The following NHLRC2 variants were observed in gnomAD, a reference collection of about 807,000 sequenced individuals.
The protein encoded by NHLRC2 is NHL repeat-containing protein 2.
In NHLRC2, 33 loss-of-function variants were observed where a neutral mutation model predicts 68.1. That is an observed-to-expected ratio of 0.48 (90% confidence interval 0.37 to 0.65). The LOEUF (loss-of-function observed/expected upper bound fraction) is 0.65. Ranked by LOEUF, NHLRC2 falls within the 30% of genes least tolerant of loss-of-function variation. The pLI is 0.00. For synonymous variants in NHLRC2, 311 were observed against 309.6 expected, an observed-to-expected ratio of 1.00 and a Z score of -0.05; for missense variants, 761 against 853.8, an observed-to-expected ratio of 0.89 and a Z score of 1.35.
chr10:113,879,418 C>T (rs751976539), intron 3 of NHLRC2, among the ~76,000 whole-genome samples, 156 bp from the exon 4 acceptor site: 1 of 152,124 alleles, frequency 6.6e-6, no homozygotes, highest in Non-Finnish European at 1.5e-5. Context: ...GCAAAACTCA[C>T]TCTTAAGAAA....
At chr10:113,868,422 T>A (rs1164297696) in intron 2 of NHLRC2, among the ~76,000 whole-genome samples, 1 of 152,162 alleles carries the variant, frequency 6.6e-6, no homozygotes, top group Non-Finnish European at 1.5e-5. Context: ...AGCTAAATAA[T>A]TTAAGAAAAA....
intron 5 of NHLRC2, among the ~76,000 whole-genome samples, chr10:113,896,631 CG>C (rs1846180443): frequency 6.6e-6 from 1 of 151,292 alleles, no homozygotes; most frequent in Admixed American, 6.6e-5. Flanking sequence ...CTAACCTGCA[CG>C]TTGTGCACAT....
At chr10:113,889,275 C>G (rs571413092) in intron 5 of NHLRC2, among the ~76,000 whole-genome samples, 3 of 152,180 alleles carry the variant, frequency 2.0e-5, no homozygotes, top group African/African-American at 7.2e-5. Context: ...CTTCTACAAC[C>G]TTTAATGGTT....
chr10:113,874,458 GTGTGT>G (rs1845960417), intron 2 of NHLRC2, among the ~76,000 whole-genome samples: 1 of 139,498 alleles, frequency 7.2e-6, no homozygotes, highest in Non-Finnish European at 1.5e-5. Context: ...GTGTGTGTGT[GTGTGT>G]GTGTGTGTGT....
rs146426664 is a variant in NHLRC2, at chr10:113,886,879, C to T, written c.1039+2499C>T. Among the ~76,000 whole-genome samples the T allele has an allele frequency of 6.2e-4, 94 of 152,240 alleles. 1 individual carries two copies. The highest frequency in any genetic ancestry group is 7.8e-4 in the Non-Finnish European group (53 of 68,002). On this transcript the variant is annotated intron_variant, in intron 5 of 10. Coordinates refer to ENST00000369301, the MANE Select transcript of NHLRC2 (RefSeq NM_198514.4). Reference sequence around the variant, plus strand: ...AAGCAAAAATAGACCAGTGGGATTGCATCAAACTAAAAAGCTCTATACAGC... The same window carrying T: ...AAGCAAAAATAGACCAGTGGGATTGTATCAAACTAAAAAGCTCTATACAGC...
intron 2 of NHLRC2, among the ~76,000 whole-genome samples, chr10:113,874,394 A>G (rs1396952798): frequency 6.8e-6 from 1 of 148,012 alleles, no homozygotes; most frequent in Non-Finnish European, 1.5e-5. Flanking sequence ...CCCCCAGGCA[A>G]CCATTCCTCA....
chr10:113,872,506 A>G (rs141860394), intron 2 of NHLRC2, among the ~76,000 whole-genome samples: 1 of 152,150 alleles, frequency 6.6e-6, no homozygotes, highest in East Asian at 1.9e-4. Context: ...ACCTTGCTTC[A>G]TACTGGATTA....
intron 2 of NHLRC2, among the ~76,000 whole-genome samples, chr10:113,869,934 T>C (rs78569953): frequency 0.017 from 2,526 of 152,234 alleles, 66 homozygotes; most frequent in African/African-American, 0.056. Flanking sequence ...CCTTACTAAA[T>C]ACACCAAAAT....
At chr10:113,907,289 G>A (rs923941192) in intron 10 of NHLRC2, among the ~76,000 whole-genome samples, 7 of 152,174 alleles carry the variant, frequency 4.6e-5, no homozygotes, top group East Asian at 1.9e-4. Flanking sequence ...ACTCTGAGTC[G>A]GTTTACTTAC....
intron 2 of NHLRC2, among the ~76,000 whole-genome samples, chr10:113,873,584 G>T (rs1348468772): frequency 6.6e-6 from 1 of 152,104 alleles, no homozygotes; most frequent in Admixed American, 6.6e-5. Context: ...AGAGGTGTGT[G>T]TGCGTATGTT....
At chr10:113,867,673 C>T (rs1381933675) in intron 2 of NHLRC2, among the ~76,000 whole-genome samples, 1 of 152,216 alleles carries the variant, frequency 6.6e-6, no homozygotes, top group Non-Finnish European at 1.5e-5. Context: ...GAATCATCGT[C>T]TCATCCTTTT....
At chr10:113,901,990 C>A in intron 7 of NHLRC2, 93 bp downstream of exon 7, 1 of 861,178 alleles carries the variant, frequency 1.2e-6, no homozygotes, top group South Asian at 1.6e-5. Flanking sequence ...TAAGAGAGAC[C>A]ATCCTTGGCC....
chr10:113,859,791 CATT>C (rs757914093), intron 2 of NHLRC2, among the ~76,000 whole-genome samples: 2 of 152,208 alleles, frequency 1.3e-5, no homozygotes, highest in African/African-American at 2.4e-5. Flanking sequence ...GAATAAAAAA[CATT>C]ATGGAACCTA....
At chr10:113,891,938 C>A (rs1037738662) in intron 5 of NHLRC2, among the ~76,000 whole-genome samples, 1 of 152,186 alleles carries the variant, frequency 6.6e-6, no homozygotes, top group Non-Finnish European at 1.5e-5. Flanking sequence ...CTGTTTCTCC[C>A]CTAGCAGAAT....
intron 2 of NHLRC2, among the ~76,000 whole-genome samples, chr10:113,862,567 G>A (rs1365222182): frequency 1.3e-5 from 2 of 151,848 alleles, no homozygotes; most frequent in African/African-American, 4.8e-5. Flanking sequence ...TGACAGATAA[G>A]TCCCTCTTTG....
At chr10:113,865,971 G>A (rs1057413816) in intron 2 of NHLRC2, among the ~76,000 whole-genome samples, 4 of 152,110 alleles carry the variant, frequency 2.6e-5, no homozygotes, top group Non-Finnish European at 4.4e-5. Flanking sequence ...TTATGTTCTC[G>A]AAGTGACATT....
intron 2 of NHLRC2, among the ~76,000 whole-genome samples, chr10:113,859,111 C>G (rs891065071): frequency 1.3e-5 from 2 of 152,082 alleles, no homozygotes; most frequent in Admixed American, 6.6e-5. Context: ...ATGACATGAA[C>G]TGCAGTGGAA....
At chr10:113,884,523 G>A in intron 5 of NHLRC2, 143 bp downstream of exon 5, 1 of 520,576 alleles carries the variant, frequency 1.9e-6, no homozygotes, top group Non-Finnish European at 3.3e-6. Context: ...TTTGTTAATT[G>A]TGTAAAAACA....
At chr10:113,903,012 TAA>T (rs1297143173) in intron 8 of NHLRC2, among the ~76,000 whole-genome samples, 1 of 152,238 alleles carries the variant, frequency 6.6e-6, no homozygotes, top group East Asian at 1.9e-4. Context: ...TAAATTGTCT[TAA>T]GTTTTATTGC....
Sources: allele counts gnomAD v4.1 joint callset (sites outside exome capture counted in the v4.1 genomes callset), GRCh38; gene constraint gnomAD v4.1.1; transcripts MANE v1.5; gene names NCBI Gene and HGNC (gene_info 2026-07-23, HGNC 2026-07-21).